PRKCE: variants seen among roughly 807,000 people sequenced by gnomAD.
The protein encoded by PRKCE is protein kinase C epsilon, also known as protein kinase C epsilon type.
PRKCE carries 16 observed loss-of-function variants against 85.4 expected under a neutral mutation model. That is an observed-to-expected ratio of 0.19 (90% CI 0.13 to 0.28). The LOEUF is 0.28. Ranked by LOEUF, PRKCE falls within the 10% of genes least tolerant of loss-of-function variation. PRKCE has a pLI of 1.00. For missense variants in PRKCE, 573 were observed against 975.2 expected, an observed-to-expected ratio of 0.59 and a Z score of 5.49; for synonymous variants, 388 against 371.5, an observed-to-expected ratio of 1.04 and a Z score of -0.51.
intron 2 of PRKCE, among the ~76,000 whole-genome samples, chr2:45,963,528 A>C (rs1467107997): frequency 3.3e-5 from 5 of 152,104 alleles, no homozygotes; most frequent in Non-Finnish European, 7.4e-5. Context: ...AGGCTGGTCT[A>C]GAACTCCTGA....
chr2:45,677,607 C>T lies in PRKCE; in HGVS notation c.348+25159C>T, dbSNP rs111649810. Among the ~76,000 whole-genome samples the T allele has an allele frequency of 6.5e-3, 990 of 152,260 alleles. 10 individuals carry two copies. The highest frequency in any genetic ancestry group is 0.023 in the African/African-American group (942 of 41,534). ...TCCTGACCTCATGATCCACCCGCCT[C>T]GGCCTCCCAAAGCAGTGAAGGTTTT... On this transcript the variant is annotated intron_variant, in intron 1 of 14. Transcript: ENST00000306156.
chr2:45,698,934 G>T (rs1303642929), intron 1 of PRKCE, among the ~76,000 whole-genome samples: 1 of 152,108 alleles, frequency 6.6e-6, no homozygotes, highest in Admixed American at 6.5e-5. Flanking sequence ...ATCAGTAGTA[G>T]GTTAAAATTT....
At chr2:46,134,790 G>A (rs1014375126) in intron 11 of PRKCE, among the ~76,000 whole-genome samples, 1 of 152,244 alleles carries the variant, frequency 6.6e-6, no homozygotes, top group African/African-American at 2.4e-5. Context: ...GATTGGCCTG[G>A]AGAGAGATAG....
chr2:46,054,002 T>C (rs1159340833), intron 10 of PRKCE, among the ~76,000 whole-genome samples: 2 of 152,228 alleles, frequency 1.3e-5, no homozygotes, highest in African/African-American at 2.4e-5. Flanking sequence ...CTACTTCTTA[T>C]TTCAGAGTAG....
intron 2 of PRKCE, among the ~76,000 whole-genome samples, chr2:45,843,559 C>G (rs1558741223): frequency 2.0e-5 from 3 of 152,228 alleles, no homozygotes; most frequent in Non-Finnish European, 2.9e-5. Flanking sequence ...GAGGGAACAT[C>G]TGCTCCCCAC....
chr2:45,721,365 A>G (rs1680604069), intron 1 of PRKCE, among the ~76,000 whole-genome samples: 1 of 152,196 alleles, frequency 6.6e-6, no homozygotes, highest in Non-Finnish European at 1.5e-5. Context: ...ATAACCCAGG[A>G]CAATAGTGCA....
chr2:45,962,654 T>C (rs1701458658), intron 2 of PRKCE, among the ~76,000 whole-genome samples: 1 of 152,200 alleles, frequency 6.6e-6, no homozygotes, highest in Non-Finnish European at 1.5e-5. Flanking sequence ...CATATCACTA[T>C]AGAAGACAGC....
At chr2:45,870,789 T>C (rs1041009087) in intron 2 of PRKCE, among the ~76,000 whole-genome samples, 1 of 152,088 alleles carries the variant, frequency 6.6e-6, no homozygotes, top group Non-Finnish European at 1.5e-5. Context: ...CACTTGTGAG[T>C]GGGGGTGCTA....
chr2:45,779,386 C>A (rs933586321), intron 1 of PRKCE, among the ~76,000 whole-genome samples: 2 of 152,026 alleles, frequency 1.3e-5, no homozygotes, highest in Non-Finnish European at 2.9e-5. Flanking sequence ...GGCACAGAGG[C>A]GGCGCTAGTG....
At chr2:46,076,068 A>C (rs1668535210) in intron 10 of PRKCE, among the ~76,000 whole-genome samples, 1 of 152,240 alleles carries the variant, frequency 6.6e-6, no homozygotes, top group Non-Finnish European at 1.5e-5. Flanking sequence ...CTGGTCATGC[A>C]ATGGAGGAAA....
chr2:45,767,517 G>A (rs1432977126), intron 1 of PRKCE, among the ~76,000 whole-genome samples: 1 of 152,246 alleles, frequency 6.6e-6, no homozygotes, highest in African/African-American at 2.4e-5. Context: ...TGCAGAGAGA[G>A]TTTATACAGG....
At chr2:45,965,517 T>C (rs1294915655) in intron 2 of PRKCE, among the ~76,000 whole-genome samples, 1 of 152,236 alleles carries the variant, frequency 6.6e-6, no homozygotes, top group Non-Finnish European at 1.5e-5. Context: ...CACCCTAGCT[T>C]CTGTGAGGAG....
chr2:46,105,360 A>G (rs1671616946), intron 11 of PRKCE, among the ~76,000 whole-genome samples: 1 of 152,112 alleles, frequency 6.6e-6, no homozygotes, highest in Non-Finnish European at 1.5e-5. Flanking sequence ...TTTCAATACA[A>G]AATTAAAAGG....
At chr2:45,691,078 A>G (rs573866837) in intron 1 of PRKCE, among the ~76,000 whole-genome samples, 1 of 152,340 alleles carries the variant, frequency 6.6e-6, no homozygotes, top group East Asian at 1.9e-4. Flanking sequence ...TTAAAATTAC[A>G]TACATGGGGA....
At position 45,973,807 on chromosome 2, in the gene PRKCE, G is replaced by A. The variant is rs150821235; in HGVS notation, c.413-2622G>A. On this transcript the variant is annotated intron_variant, in intron 2 of 14. Transcript: ENST00000306156. The stretch of plus-strand genomic sequence containing the variant: ...GTTGGGAAATAAGACTCTTAGGAAG[G>A]ACTGTAACCACCGTCATAACAGTGT... 7.2e-5 allele frequency among the ~76,000 whole-genome samples: 11 copies of A among 152,308 alleles called. No individual in the cohort carries two copies. The East Asian group carries it at 2.1e-3, about 29-fold the overall frequency.
At chr2:45,851,720 G>A (rs1278465119) in intron 2 of PRKCE, 1 of 152,200 alleles carries the variant, frequency 6.6e-6, no homozygotes. Context: ...GCTACAAGAG[G>A]CTCCAGCAAA....
chr2:45,955,629 G>C (rs1223337206), intron 2 of PRKCE, among the ~76,000 whole-genome samples: 2 of 152,000 alleles, frequency 1.3e-5, no homozygotes, highest in Non-Finnish European at 2.9e-5. Context: ...GGCCAGCCTG[G>C]GCAACATAGT....
At chr2:45,868,675 G>A (rs1693824434) in intron 2 of PRKCE, among the ~76,000 whole-genome samples, 1 of 146,392 alleles carries the variant, frequency 6.8e-6, no homozygotes, top group Non-Finnish European at 1.5e-5. Context: ...GCTCATGCCT[G>A]TAATTCCAGC....
chr2:45,938,713 T>C (rs977530618), intron 2 of PRKCE, among the ~76,000 whole-genome samples: 6 of 142,604 alleles, frequency 4.2e-5, no homozygotes, highest in Non-Finnish European at 9.4e-5. Flanking sequence ...ATTCAGCAAC[T>C]CTTAGAACAA....
Sources: gnomAD v4.1 joint callset for allele counts (sites outside exome capture counted in the v4.1 genomes callset) on GRCh38, gnomAD v4.1.1 for gene constraint, MANE v1.5 for transcripts, NCBI Gene and HGNC (gene_info 2026-07-23, HGNC 2026-07-21) for gene names.